Variants in SYNE1 observed in about 807,000 individuals in gnomAD.
SYNE1 encodes nesprin-1.
SYNE1 carries 616 observed loss-of-function variants against 1,111.0 expected under a neutral mutation model. The ratio of observed to expected loss-of-function variants is 0.55; its 90% CI spans 0.52 to 0.59. SYNE1 has a LOEUF of 0.59. SYNE1 is among the 20% of genes least tolerant of loss of function. The pLI is 0.00. For synonymous variants in SYNE1, 3,855 were observed against 3,825.8 expected (o/e 1.01, Z -0.28); for missense variants, 10,006 against 10,417.0 (o/e 0.96, Z 1.72).
In SYNE1 at chr6:152,453,643, T is replaced by C. The variant is rs761541356; in HGVS notation, c.2970A>G (p.Pro990=). The C allele has an allele frequency of 1.9e-6, 3 of 1,614,220 alleles. No homozygotes were observed. The highest frequency in any genetic ancestry group is 1.1e-5 in the South Asian group (1 of 91,088). The change falls in exon 25 of 146, where the codon CCA becomes CCG. Residue 990 remains proline, a synonymous_variant. Transcript: ENST00000367255. The part of the protein sequence containing the change: ...KACDELTDIL[P]EQEQQGLQEA... Reference sequence around the variant, plus strand: ...CCTGCAGCCCCTGCTGCTCCTGCTCTGGAAGGATGTCGGTGAGTTCATCAC... The same window carrying C: ...CCTGCAGCCCCTGCTGCTCCTGCTCCGGAAGGATGTCGGTGAGTTCATCAC...
Position 152,369,568 on chromosome 6 carries a change from A to G in SYNE1, c.9554T>C (p.Ile3185Thr). 6.2e-7 allele frequency: 1 copy of G among 1,614,176 alleles called. No homozygotes were observed. The highest frequency in any genetic ancestry group is 8.5e-7 in the Non-Finnish European group (1 of 1,180,034). ...MKDFEVSAEP[I>T]QDWLSKTEKM... ...CTCAGTTTTACTCAGCCAGTCCTGG[A>G]TAGGCTCAGCACTTACTTCAAAGTC... The change falls in exon 60 of 146, where the codon ATC becomes ACC. Residue 3185 changes from isoleucine (I) to threonine (T), a missense_variant. Ile to Thr is a moderately conservative substitution (Grantham distance 89). Coordinates refer to ENST00000367255, the MANE Select transcript of SYNE1 (RefSeq NM_182961.4).
At chr6:152,607,800 T>C (rs1024418763) in intron 3 of SYNE1, among the ~76,000 whole-genome samples, 1 of 152,188 alleles carries the variant, frequency 6.6e-6, no homozygotes, top group African/African-American at 2.4e-5. Flanking sequence ...CCATCAGTGA[T>C]AGACTGGATA....
At chr6:152,457,685 G>C (rs1046432817) in intron 22 of SYNE1, among the ~76,000 whole-genome samples, 1 of 152,004 alleles carries the variant, frequency 6.6e-6, no homozygotes, top group African/African-American at 2.4e-5. Flanking sequence ...GGATGAAAAT[G>C]GAAAGCAATT....
rs144336474 is a variant in SYNE1, at chr6:152,396,944, G to A, written c.7387C>T (p.Leu2463Phe). 3.1e-6 allele frequency: 5 copies of A among 1,614,184 alleles called. No homozygotes were observed. Among genetic ancestry groups the A allele is most frequent in the Non-Finnish European group, 4.2e-6 (5 of 1,180,030 alleles). The change falls in exon 50 of 146, where the codon CTT (leucine) becomes TTT (phenylalanine). Residue 2463 changes from leucine to phenylalanine, a missense_variant. By Grantham distance (22) the Leu-to-Phe change is conservative. Around this residue, in one of 7 missense-constraint regions of SYNE1, gnomAD observed 4,955 missense variants for 5,017.2 expected, o/e 0.99. Coordinates refer to ENST00000367255, the MANE Select transcript of SYNE1 (RefSeq NM_182961.4). ...TGTCCTTCTTGAGTCACTGCATCAAGTTTGCTCTGCCCATCACTGACTGAG... is the reference window on the plus strand; with the variant it reads ...TGTCCTTCTTGAGTCACTGCATCAAATTTGCTCTGCCCATCACTGACTGAG... ...LDSVSDGQSK[L>F]DAVTQEGQTL...
chr6:152,326,664 C>T, intron 78 of SYNE1, 31 bp from the exon 79 acceptor site: 1 of 1,594,196 alleles, frequency 6.3e-7, no homozygotes, highest in East Asian at 2.2e-5. Context: ...ACATAATCAA[C>T]TCTCCTTTGC....
chr6:152,371,456 C>T (rs927240527), intron 59 of SYNE1, among the ~76,000 whole-genome samples: 7 of 151,414 alleles, frequency 4.6e-5, no homozygotes, highest in Admixed American at 1.3e-4. Flanking sequence ...TTCAACCTCT[C>T]TCCTTTATAA....
rs1206846656 is a variant in SYNE1 at position 152,180,123 on chromosome 6, A to G, written c.23460+13T>C. 1 of 1,614,028 alleles carries G rather than the reference A, an allele frequency of 6.2e-7. No homozygotes were observed. On this transcript the variant is annotated intron_variant, in intron 129 of 145. Transcript: ENST00000367255. The stretch of plus-strand genomic sequence containing the variant: ...ATGAAGAATGAAAACCTAAGTAGCC[A>G]TGCATTCCATACCTTCTTGAGCTTC...
intron 107 of SYNE1, among the ~76,000 whole-genome samples, chr6:152,240,901 G>A (rs1430864540): frequency 2.0e-5 from 3 of 152,200 alleles, no homozygotes; most frequent in Non-Finnish European, 4.4e-5. Flanking sequence ...CTGGTGAGTA[G>A]AAGCTAGAAT....
intron 98 of SYNE1, among the ~76,000 whole-genome samples, chr6:152,274,509 G>A (rs1448166342): frequency 7.2e-6 from 1 of 138,354 alleles, no homozygotes; most frequent in African/African-American, 2.7e-5. Context: ...TTTCAATTTG[G>A]TTACTTTTTT....
chr6:152,262,532 G>T (rs998117879), intron 100 of SYNE1, among the ~76,000 whole-genome samples: 3 of 152,204 alleles, frequency 2.0e-5, no homozygotes, highest in Admixed American at 6.5e-5. Flanking sequence ...AGTCTAGGGA[G>T]AGTTACGATT....
At chr6:152,279,037 T>G (rs139031996) in intron 97 of SYNE1, among the ~76,000 whole-genome samples, 1 of 152,024 alleles carries the variant, frequency 6.6e-6, no homozygotes. Flanking sequence ...TCCAAAAGTG[T>G]TGGGATTACA....
At chr6:152,340,487 C>A (rs1424907576) in intron 74 of SYNE1, among the ~76,000 whole-genome samples, 2 of 152,186 alleles carry the variant, frequency 1.3e-5, no homozygotes, top group Non-Finnish European at 2.9e-5. Flanking sequence ...TTCGCGTCTA[C>A]CCACTTAATG....
chr6:152,219,051 G>A lies in SYNE1; in HGVS notation c.21996C>T (p.His7332=), dbSNP rs1588081431. 6.2e-7 allele frequency: 1 copy of A among 1,614,182 alleles called. No individual in the cohort carries two copies. Among genetic ancestry groups the A allele is most frequent in the Non-Finnish European group, 8.5e-7 (1 of 1,180,036 alleles). ...IQSDQLSLSQ[H]LCALEQALCK... ...AGAGAGCTTGCTCCAGGGCACACAA[G>A]TGTTGACTCAAAGAGAGTTGATCCG... Residue 7332 remains histidine, a synonymous_variant, in exon 120 of 146, where the codon CAC becomes CAT. Transcript: ENST00000367255.
chr6:152,594,372 A>C (rs1450870611), intron 3 of SYNE1, among the ~76,000 whole-genome samples: 1 of 152,194 alleles, frequency 6.6e-6, no homozygotes, highest in African/African-American at 2.4e-5. Context: ...GGACACATGA[A>C]TGAAGTTACA....
chr6:152,192,579 C>G (rs190206427), intron 127 of SYNE1, among the ~76,000 whole-genome samples: 4 of 152,068 alleles, frequency 2.6e-5, no homozygotes, highest in Non-Finnish European at 5.9e-5. Context: ...TCAAGTGATT[C>G]TCCCACCTCA....
At chr6:152,147,815 C>A in intron 137 of SYNE1, 1 of 528,898 alleles carries the variant, frequency 1.9e-6, no homozygotes, top group Non-Finnish European at 3.4e-6. Context: ...ATCCCTAGAA[C>A]CTGGCAAAGC....
chr6:152,370,935 G>C (rs1199854503), intron 59 of SYNE1, among the ~76,000 whole-genome samples: 1 of 152,190 alleles, frequency 6.6e-6, no homozygotes, highest in Non-Finnish European at 1.5e-5. Context: ...TCTCACAAAT[G>C]TAAAATACCA....
At chr6:152,568,657 T>G (rs977432008) in intron 3 of SYNE1, among the ~76,000 whole-genome samples, 7 of 152,070 alleles carry the variant, frequency 4.6e-5, no homozygotes, top group Non-Finnish European at 7.4e-5. Context: ...TAGAGTGCAG[T>G]GGCTATTCAT....
Position 152,278,183 on chromosome 6 carries a change from T to C in SYNE1, c.18479A>G (p.Asp6160Gly), listed in dbSNP as rs1295672248. The C allele has an allele frequency of 3.7e-6, 6 of 1,614,180 alleles. No homozygotes were observed. The highest frequency in any genetic ancestry group is 5.1e-6 in the Non-Finnish European group (6 of 1,180,038). The change falls in exon 98 of 146, where the codon GAC (aspartate) becomes GGC (glycine). Residue 6160 changes from aspartate (D) to glycine (G), a missense_variant. By Grantham distance (94) the Asp-to-Gly change is moderately conservative. Transcript: ENST00000367255. ...CTTTCCAGCCAGCTGCTCGGCCTCG[T>C]CCTTGGTGTGAGCTTTGCCCTCCAG... Reference protein sequence around the residue: ...LLLEGKAHTKDEAEQLAGKLR... With the variant: ...LLLEGKAHTKGEAEQLAGKLR...
Sources: gnomAD v4.1 joint callset for allele counts (sites outside exome capture counted in the v4.1 genomes callset) on GRCh38, gnomAD v4.1.1 for gene constraint, gnomAD v4.1.1 regional missense constraint, MANE v1.5 for transcripts, NCBI Gene and HGNC (gene_info 2026-07-23, HGNC 2026-07-21) for gene names.